DENND2A: variants seen among roughly 807,000 people sequenced by gnomAD.
DENND2A encodes DENN domain containing 2A.
Under a neutral mutation model 105.3 loss-of-function variants are expected in DENND2A, and 53 were observed. That is an observed-to-expected ratio of 0.50 (90% CI 0.40 to 0.63). DENND2A has a LOEUF of 0.63. Ranked by LOEUF, DENND2A falls within the 30% of genes least tolerant of loss-of-function variation. The pLI is 0.00. For synonymous variants in DENND2A, 522 were observed against 508.4 expected (o/e 1.03, Z -0.36); for missense variants, 1,138 against 1,279.6 (o/e 0.89, Z 1.69).
rs576210233 is a variant in DENND2A at position 140,601,876 on chromosome 7, C to G, written c.522G>C (p.Ser174=). The change falls in exon 3 of 20, where the codon TCG becomes TCC. Residue 174 remains serine, a synonymous_variant. Coordinates refer to ENST00000496613, the MANE Select transcript of DENND2A (RefSeq NM_015689.5). ...CTGGTAACTGGGGATCCAGCCCTGC[C>G]GACCCATCCTTCAAAGCCTGCTCGA... The part of the protein sequence containing the change: ...KKLEQALKDG[S]AGLDPQLPGT... The G allele has an allele frequency of 1.2e-6, 2 of 1,614,072 alleles. No homozygotes were observed. The highest frequency in any genetic ancestry group is 1.7e-5 in the Admixed American group (1 of 60,008).
chr7:140,561,679 TTTTTTTTGTA>T (rs1356979413), intron 9 of DENND2A, among the ~76,000 whole-genome samples: 3 of 65,746 alleles, frequency 4.6e-5, no homozygotes, highest in Admixed American at 1.5e-4. Flanking sequence ...ATTTTTTTTT[TTTTTTTTGTA>T]TTTTCAGTAG....
chr7:140,636,560 G>A (rs1215457496), intron 1 of DENND2A, among the ~76,000 whole-genome samples: 1 of 152,022 alleles, frequency 6.6e-6, no homozygotes, highest in African/African-American at 2.4e-5. Flanking sequence ...CTCTCTATAC[G>A]TGACTGCTAG....
intron 18 of DENND2A, among the ~76,000 whole-genome samples, chr7:140,520,301 C>T (rs1006721263): frequency 5.4e-5 from 8 of 149,032 alleles, no homozygotes; most frequent in South Asian, 2.1e-4. Flanking sequence ...AGTGAAACTC[C>T]GTCGCAAAAA....
chr7:140,568,641 G>A lies in DENND2A; in HGVS notation c.1591+122C>T, dbSNP rs990884953. 1.6e-5 allele frequency: 16 copies of A among 983,380 alleles called. No homozygotes were observed. In the African/African-American group the frequency reaches 2.4e-4, roughly 15 times the overall value. 60.9% of individuals were successfully genotyped at this position (983,380 alleles called of 1,614,324 possible). ...CTGTGGCCCCACTGTCTCCCGAGATGTCCACGCCTTGCCAAGCAAGCTCCG... is the reference window on the plus strand; with the variant it reads ...CTGTGGCCCCACTGTCTCCCGAGATATCCACGCCTTGCCAAGCAAGCTCCG... On this transcript the variant is annotated intron_variant, in intron 8 of 19. Transcript: ENST00000496613.
intron 1 of DENND2A, among the ~76,000 whole-genome samples, chr7:140,628,875 G>C (rs1036467049): frequency 1.3e-5 from 2 of 152,052 alleles, no homozygotes; most frequent in African/African-American, 2.4e-5. Flanking sequence ...AGCCAGCATT[G>C]ATCAGTTTAA....
intron 1 of DENND2A, among the ~76,000 whole-genome samples, chr7:140,607,516 G>A (rs1258268329): frequency 6.6e-6 from 1 of 152,166 alleles, no homozygotes; most frequent in Non-Finnish European, 1.5e-5. Flanking sequence ...CAGACATTGT[G>A]GGGCTTATCT....
chr7:140,582,059 G>A (rs920589968), intron 5 of DENND2A, among the ~76,000 whole-genome samples: 2 of 151,694 alleles, frequency 1.3e-5, no homozygotes, highest in Non-Finnish European at 2.9e-5. Context: ...CTGCCCCCCA[G>A]GTTCAAGTGA....
At chr7:140,535,910 A>G (rs1796438918) in intron 14 of DENND2A, among the ~76,000 whole-genome samples, 1 of 152,154 alleles carries the variant, frequency 6.6e-6, no homozygotes, top group South Asian at 2.1e-4. Flanking sequence ...TCTACAAACG[A>G]TGAACCCAGA....
Position 140,562,509 on chromosome 7 carries a change from A to C in DENND2A, c.1780-2692T>G, listed in dbSNP as rs186531549. Among the ~76,000 whole-genome samples the C allele has an allele frequency of 4.3e-3, 657 of 152,108 alleles. 6 individuals are homozygous for C. The highest frequency in any genetic ancestry group is 0.015 in the African/African-American group (634 of 41,506). On this transcript the variant is annotated intron_variant, in intron 9 of 19. Transcript: ENST00000496613. ...ACCCCGTCTCTACTAAAAATACAAA[A>C]AAATTAGCTGGGTGTGGTGGCGGGT...
intron 12 of DENND2A, among the ~76,000 whole-genome samples, chr7:140,549,077 C>T (rs889030956): frequency 5.3e-5 from 8 of 151,614 alleles, no homozygotes; most frequent in Middle Eastern, 3.4e-3. Flanking sequence ...ATTAGCCAGG[C>T]GTGGTGGCAG....
chr7:140,519,777 T>A, intron 18 of DENND2A, 59 bp from the exon 19 acceptor site: 1 of 1,434,082 alleles, frequency 7.0e-7, no homozygotes, highest in African/African-American at 1.4e-5. Context: ...TCTAAATGTG[T>A]CCATTTCCTC....
At chr7:140,626,525 GA>G (rs1203847404) in intron 1 of DENND2A, among the ~76,000 whole-genome samples, 1 of 152,186 alleles carries the variant, frequency 6.6e-6, no homozygotes, top group African/African-American at 2.4e-5. Flanking sequence ...CAGCCCACTT[GA>G]ATGGAATGCA....
intron 7 of DENND2A, among the ~76,000 whole-genome samples, chr7:140,569,358 C>T (rs183058069): frequency 7.2e-4 from 110 of 152,320 alleles, no homozygotes; most frequent in African/African-American, 2.6e-3. Context: ...AAGGTCCTGG[C>T]CCCTTTTGTG....
intron 11 of DENND2A, among the ~76,000 whole-genome samples, chr7:140,557,729 G>A (rs200067101): frequency 2.0e-5 from 3 of 148,226 alleles, no homozygotes; most frequent in Non-Finnish European, 4.5e-5. Context: ...TAGTAGAGAT[G>A]GGGTTTCACC....
intron 1 of DENND2A, among the ~76,000 whole-genome samples, chr7:140,625,203 CCT>C (rs1023963095): frequency 1.3e-5 from 2 of 151,674 alleles, no homozygotes; most frequent in Non-Finnish European, 2.9e-5. Flanking sequence ...ATGGTGAAAC[CCT>C]GTCTCTACTA....
chr7:140,635,255 G>A (rs269251), intron 1 of DENND2A, among the ~76,000 whole-genome samples: 3 of 151,986 alleles, frequency 2.0e-5, no homozygotes, highest in African/African-American at 7.3e-5. Context: ...AGAGCAAGAC[G>A]CTGTCTAAAA....
At position 140,523,438 on chromosome 7, in the gene DENND2A, G is replaced by A; in HGVS notation, c.2548-14C>T. On this transcript the variant is annotated splice_polypyrimidine_tract_variant and intron_variant, in intron 16 of 19. Coordinates refer to ENST00000496613, the MANE Select transcript of DENND2A (RefSeq NM_015689.5). The surrounding 1 kb of genome is among the most constrained non-coding windows in gnomAD (Gnocchi z 4.5). ...CTCATCGTCCATCTGGAAAGCAGAGGTAGCAGGTGGGCTTATGGGCACGGT... is the reference window on the plus strand; with the variant it reads ...CTCATCGTCCATCTGGAAAGCAGAGATAGCAGGTGGGCTTATGGGCACGGT... The A allele has an allele frequency of 2.5e-6, 4 of 1,613,254 alleles. No homozygotes were observed. Among genetic ancestry groups the A allele is most frequent in the Non-Finnish European group, 3.4e-6 (4 of 1,179,326 alleles).
In DENND2A at chr7:140,545,547, C is replaced by T. The variant is rs188273886; in HGVS notation, c.2179-781G>A. On this transcript the variant is annotated intron_variant, in intron 13 of 19. Transcript: ENST00000496613. ...TGTATTTTTAGTAGAGACAGGGTTC[C>T]ACCATGTTGGCCAGGCTGGTCTCGA... Among the ~76,000 whole-genome samples, 69 of 152,244 alleles carry T rather than the reference C, an allele frequency of 4.5e-4. 1 individual carries two copies. The highest frequency in any genetic ancestry group is 9.1e-4 in the Non-Finnish European group (62 of 68,020).
At chr7:140,541,263 T>C (rs1194323536) in intron 14 of DENND2A, among the ~76,000 whole-genome samples, 1 of 152,132 alleles carries the variant, frequency 6.6e-6, no homozygotes, top group African/African-American at 2.4e-5. Flanking sequence ...CTTTGTTTTC[T>C]TCCCCCTGGA....
Sources: allele counts gnomAD v4.1 joint callset (sites outside exome capture counted in the v4.1 genomes callset), GRCh38; gene constraint gnomAD v4.1.1; non-coding constraint Gnocchi (gnomAD v3.1); transcripts MANE v1.5; gene names NCBI Gene and HGNC (gene_info 2026-07-23, HGNC 2026-07-21).